The following TBC1D22A variants were observed in gnomAD, a reference collection of about 807,000 sequenced individuals.
TBC1D22A encodes the protein TBC1 domain family member 22A.
In TBC1D22A, 38 loss-of-function variants were observed where a neutral mutation model predicts 60.2. That is an observed-to-expected ratio of 0.63 (90% CI 0.49 to 0.83). The LOEUF (loss-of-function observed/expected upper bound fraction) is 0.83. Ranked by LOEUF, TBC1D22A falls within the 40% of genes least tolerant of loss-of-function variation. TBC1D22A has a pLI of 0.00. For missense variants in TBC1D22A, 628 were observed against 701.0 expected (o/e 0.90, Z 1.18); for synonymous variants, 302 against 281.7 (o/e 1.07, Z -0.72).
chr22:47,162,898 G>A (rs969721693), intron 12 of TBC1D22A, among the ~76,000 whole-genome samples: 2 of 152,108 alleles, frequency 1.3e-5, no homozygotes, highest in African/African-American at 4.8e-5. Flanking sequence ...CCCTCCCCTC[G>A]AGCAGGATTT....
intron 2 of TBC1D22A, chr22:46,792,950 G>C (rs1011991034): frequency 8.6e-7 from 1 of 1,164,724 alleles, no homozygotes; most frequent in African/African-American, 1.6e-5. Flanking sequence ...GCCTGTCCTG[G>C]CCCCTCCACA....
intron 11 of TBC1D22A, among the ~76,000 whole-genome samples, chr22:47,088,769 C>T (rs1180184050): frequency 1.3e-5 from 2 of 152,144 alleles, no homozygotes; most frequent in African/African-American, 4.8e-5. Context: ...GATGGTTCTG[C>T]CTGGTAACAC....
chr22:46,865,858 AATG>A (rs2067029707), intron 4 of TBC1D22A, among the ~76,000 whole-genome samples: 1 of 152,190 alleles, frequency 6.6e-6, no homozygotes, highest in Non-Finnish European at 1.5e-5. Flanking sequence ...TCTGAGTAAC[AATG>A]ATAAGAACAA....
At chr22:47,064,576 G>A (rs1211813144) in intron 11 of TBC1D22A, among the ~76,000 whole-genome samples, 1 of 152,250 alleles carries the variant, frequency 6.6e-6, no homozygotes, top group Non-Finnish European at 1.5e-5. Context: ...TTAAGGCCAA[G>A]CTGGGCCTGG....
intron 12 of TBC1D22A, among the ~76,000 whole-genome samples, chr22:47,169,240 C>T (rs1456427192): frequency 6.6e-6 from 1 of 152,170 alleles, no homozygotes; most frequent in Admixed American, 6.5e-5. Context: ...TAGGGCCAAC[C>T]CCCACCCCCA....
chr22:47,129,467 C>G (rs1331970210), intron 12 of TBC1D22A, among the ~76,000 whole-genome samples: 1 of 152,214 alleles, frequency 6.6e-6, no homozygotes, highest in Non-Finnish European at 1.5e-5. Context: ...CAGAGTGAGA[C>G]TCCGTCTCAG....
intron 7 of TBC1D22A, among the ~76,000 whole-genome samples, chr22:46,900,020 A>G (rs2068898148): frequency 8.4e-6 from 1 of 118,940 alleles, no homozygotes; most frequent in African/African-American, 2.9e-5. Flanking sequence ...GTCCACTGTG[A>G]TCAGTTTCTA....
At chr22:47,083,048 C>T (rs2064534868) in intron 11 of TBC1D22A, among the ~76,000 whole-genome samples, 2 of 149,654 alleles carry the variant, frequency 1.3e-5, no homozygotes, top group African/African-American at 5.1e-5. Flanking sequence ...TTTTAACCAG[C>T]AAGAGAAAAC....
chr22:46,911,147 A>T (rs984265071), intron 7 of TBC1D22A, among the ~76,000 whole-genome samples: 1 of 152,054 alleles, frequency 6.6e-6, no homozygotes. Context: ...AACCCTCCTT[A>T]TGAGTGAAGA....
In TBC1D22A at chr22:47,175,039, GTCCC is replaced by G. The variant is rs980871595; in HGVS notation, c.*1416_*1419del. ...TGACTGACTTCCCAGACTCTCCTCT[GTCCC>G]TCAGGAGCAGCCGTGTCCTCTCCCA... On this transcript the variant is annotated 3_prime_UTR_variant, in exon 13 of 13. Coordinates refer to ENST00000337137, the MANE Select transcript of TBC1D22A (RefSeq NM_014346.5). 2.0e-5 allele frequency: 3 copies of G among 152,330 alleles called. No individual in the cohort carries two copies. Among genetic ancestry groups the G allele is most frequent in the Non-Finnish European group, 2.9e-5 (2 of 68,144 alleles). 9.4% of individuals were successfully genotyped at this position (152,330 alleles called of 1,614,324 possible). A position where few individuals can be genotyped will look rare whatever the true frequency, so the allele number is the denominator to read the frequency against.
At chr22:46,974,218 G>C in intron 8 of TBC1D22A, 72 bp from the exon 9 acceptor site, 2 of 1,298,364 alleles carry the variant, frequency 1.5e-6, no homozygotes, top group Non-Finnish European at 2.2e-6. Context: ...CTGTTCCTCC[G>C]TGGGCCCCCT....
In TBC1D22A at chr22:47,175,357, CG is replaced by C. The variant is rs2068646685; in HGVS notation, c.*1732del. On this transcript the variant is annotated 3_prime_UTR_variant, in exon 13 of 13. Transcript: ENST00000337137. ...CCTTTTCTAGATGGGGAGGGGATTCCGTCACAAGAAGAGCCGCCCCTCGGCC... is the reference window on the plus strand; with the variant it reads ...CCTTTTCTAGATGGGGAGGGGATTCCTCACAAGAAGAGCCGCCCCTCGGCC... 6.6e-6 allele frequency: 1 copy of C among 152,322 alleles called. No homozygotes were observed. The highest frequency in any genetic ancestry group is 1.5e-5 in the Non-Finnish European group (1 of 68,184). The allele number at this position is 152,322 out of a possible 1,614,324, so 9.4% of individuals were successfully genotyped here.
At chr22:47,066,953 C>T (rs912190679) in intron 11 of TBC1D22A, among the ~76,000 whole-genome samples, 7 of 152,056 alleles carry the variant, frequency 4.6e-5, no homozygotes, top group African/African-American at 9.7e-5. Context: ...TTGGTTTGCC[C>T]GATACCAGTC....
At chr22:46,891,077 T>C (rs889410284) in intron 5 of TBC1D22A, among the ~76,000 whole-genome samples, 189 bp from the exon 6 acceptor site, 3 of 150,464 alleles carry the variant, frequency 2.0e-5, no homozygotes, top group Admixed American at 2.0e-4. Flanking sequence ...GAGTGGTGCT[T>C]GCATTGTGTT....
At chr22:46,915,246 C>T (rs1011456738) in intron 8 of TBC1D22A, 7 of 364,730 alleles carry the variant, frequency 1.9e-5, no homozygotes, top group South Asian at 1.2e-4. Flanking sequence ...AGACCAGGGA[C>T]CCGCAGGGTC....
rs181823853 is a variant in TBC1D22A at position 46,883,565 on chromosome 22, G to C, written c.708+4842G>C. On this transcript the variant is annotated intron_variant, in intron 5 of 12. Coordinates refer to ENST00000337137, the MANE Select transcript of TBC1D22A (RefSeq NM_014346.5). The stretch of plus-strand genomic sequence containing the variant: ...TTGCCTTTTAGAATTTGTGTTTCAA[G>C]TTAATTTACATTTTGGGGAGTGGGA... Among the ~76,000 whole-genome samples the C allele has an allele frequency of 1.4e-3, 215 of 152,292 alleles. 3 individuals carry two copies. The highest frequency in any genetic ancestry group is 5.0e-3 in the African/African-American group (209 of 41,568).
chr22:47,106,765 C>T (rs935009325), intron 11 of TBC1D22A, among the ~76,000 whole-genome samples: 5 of 152,062 alleles, frequency 3.3e-5, no homozygotes, highest in Non-Finnish European at 4.4e-5. Context: ...AAGAAGATCT[C>T]CATTTATAAC....
intron 11 of TBC1D22A, among the ~76,000 whole-genome samples, chr22:47,087,455 G>A (rs758033091): frequency 1.3e-5 from 2 of 152,074 alleles, no homozygotes; most frequent in Admixed American, 6.5e-5. Context: ...GTGTCAAGTC[G>A]GTACTTTAAT....
chr22:47,149,796 G>T (rs966341697), intron 12 of TBC1D22A, among the ~76,000 whole-genome samples: 2 of 152,226 alleles, frequency 1.3e-5, no homozygotes, highest in Non-Finnish European at 2.9e-5. Context: ...TCTTGGGAAG[G>T]TTTCCTGATG....
Sources: allele counts gnomAD v4.1 joint callset (sites outside exome capture counted in the v4.1 genomes callset), GRCh38; gene constraint gnomAD v4.1.1; transcripts MANE v1.5; gene names NCBI Gene and HGNC (gene_info 2026-07-23, HGNC 2026-07-21).